Variants in RASA1 observed in about 807,000 individuals in gnomAD.
The protein encoded by RASA1 is RAS p21 protein activator 1, also known as ras GTPase-activating protein 1.
Under a neutral mutation model 132.2 loss-of-function variants are expected in RASA1, and 25 were observed. The observed-to-expected ratio is 0.19, with a 90% CI of 0.14 to 0.26. The LOEUF (loss-of-function observed/expected upper bound fraction) is 0.26, where lower values mean the gene tolerates loss of function less well. Ranked by LOEUF, RASA1 falls within the 10% of genes least tolerant of loss-of-function variation. The probability of loss-of-function intolerance (pLI) is 1.00; values close to 1 mark genes in which losing one functional copy is unlikely to be tolerated. For synonymous variants in RASA1, 477 were observed against 449.9 expected (o/e 1.06, Z -0.76); for missense variants, 964 against 1,299.2 (o/e 0.74, Z 3.97).
Position 87,270,646 on chromosome 5 carries a change from CTTTTTTTTTT to C in RASA1, c.539+1684_539+1693del, listed in dbSNP as rs70996415. Among the ~76,000 whole-genome samples, 22 of 71,774 alleles carry C rather than the reference CTTTTTTTTTT, an allele frequency of 3.1e-4. No homozygotes were observed. In the East Asian group the frequency reaches 3.1e-3, roughly 10 times the overall value. The allele number at this position is 71,774 out of a possible 152,430, so 47.1% of individuals were successfully genotyped here. A position where few individuals can be genotyped will look rare whatever the true frequency, so the allele number is the denominator to read the frequency against. On this transcript the variant is annotated intron_variant, in intron 1 of 24. Transcript: ENST00000274376. Reference sequence around the variant, plus strand: ...ACAGCCGTAAGCCACGGTGCCCGGCCTTTTTTTTTTTTTTTTTTTTTTTTTTTTTTTTTTT... The same window carrying C: ...ACAGCCGTAAGCCACGGTGCCCGGCCTTTTTTTTTTTTTTTTTTTTTTTTT...
chr5:87,351,140 CTGT>C (rs1410893500), intron 8 of RASA1, among the ~76,000 whole-genome samples: 4 of 151,024 alleles, frequency 2.6e-5, no homozygotes, highest in Non-Finnish European at 5.9e-5. Flanking sequence ...CATTTAGAAA[CTGT>C]TAAGACATAA....
intron 6 of RASA1, among the ~76,000 whole-genome samples, chr5:87,342,162 C>A (rs796960227): frequency 5.7e-5 from 8 of 139,788 alleles, no homozygotes; most frequent in East Asian, 2.0e-4. Flanking sequence ...GTTATTTTTT[C>A]TTTTTTTTTT....
chr5:87,288,096 A>G (rs968547359), intron 1 of RASA1, among the ~76,000 whole-genome samples: 1 of 136,698 alleles, frequency 7.3e-6, no homozygotes. Context: ...CACACCATAT[A>G]TATATACCAT....
At chr5:87,369,766 G>T in intron 11 of RASA1, 47 bp from the exon 12 acceptor site, 1 of 1,297,498 alleles carries the variant, frequency 7.7e-7, no homozygotes, top group Non-Finnish European at 1.1e-6. Flanking sequence ...TAAATATTTT[G>T]CTACTTTTTA....
Position 87,349,329 on chromosome 5 carries a change from C to A in RASA1, c.1218C>A (p.Asn406Lys), listed in dbSNP as rs1759092483. Residue 406 changes from asparagine (N) to lysine (K), a missense_variant, in exon 8 of 25, where the codon AAC becomes AAA. By Grantham distance (94) the Asn-to-Lys change is moderately conservative. Around this residue, in one of 6 missense-constraint regions of RASA1, gnomAD observed 154 missense variants for 286.5 expected, o/e 0.54. Coordinates refer to ENST00000274376, the MANE Select transcript of RASA1 (RefSeq NM_002890.3). ...IQRFKICPTP[N>K]NQFMMGGRYY... ...GATTTAAAATATGTCCAACGCCAAACAATCAGTTTATGATGGGAGGCCGGT... is the reference window on the plus strand; with the variant it reads ...GATTTAAAATATGTCCAACGCCAAAAAATCAGTTTATGATGGGAGGCCGGT... 1 of 1,611,920 alleles carries A rather than the reference C, an allele frequency of 6.2e-7. No individual in the cohort carries two copies. The highest frequency in any genetic ancestry group is 1.7e-4 in the Middle Eastern group (1 of 6,044).
At chr5:87,281,304 G>A (rs1225002464) in intron 1 of RASA1, among the ~76,000 whole-genome samples, 4 of 150,072 alleles carry the variant, frequency 2.7e-5, no homozygotes, top group Non-Finnish European at 5.9e-5. Flanking sequence ...GTGCAATGGC[G>A]TGATCTCGTC....
rs1762478441 is a variant in RASA1, at chr5:87,391,065, G to GCTAT, written c.*185_*188dup. 1 of 687,468 alleles carries GCTAT rather than the reference G, an allele frequency of 1.5e-6. No individual in the cohort carries two copies. The highest frequency in any genetic ancestry group is 2.6e-6 in the Non-Finnish European group (1 of 381,322). The allele number at this position is 687,468 out of a possible 1,614,324, so 42.6% of individuals were successfully genotyped here. A position where few individuals can be genotyped will look rare whatever the true frequency, so the allele number is the denominator to read the frequency against. ...AATAACTATGCCAGCAACCTTGTAA[G>GCTAT]CTATCTGTGCAGGATATTTGCACTA... On this transcript the variant is annotated 3_prime_UTR_variant, in exon 25 of 25. Coordinates refer to ENST00000274376, the MANE Select transcript of RASA1 (RefSeq NM_002890.3).
At chr5:87,335,606 A>T (rs1418775600) in intron 4 of RASA1, among the ~76,000 whole-genome samples, 1 of 151,520 alleles carries the variant, frequency 6.6e-6, no homozygotes, top group Non-Finnish European at 1.5e-5. Context: ...TGATATTTTT[A>T]GTAGAGATGG....
In RASA1 at chr5:87,391,909, A is replaced by C. The variant is rs1369127251; in HGVS notation, c.*1026A>C. 8.8e-6 allele frequency: 2 copies of C among 226,930 alleles called. No individual in the cohort carries two copies. The highest frequency in any genetic ancestry group is 1.8e-5 in the Non-Finnish European group (2 of 114,068). The allele number at this position is 226,930 out of a possible 1,614,324, so 14.1% of individuals were successfully genotyped here. A position where few individuals can be genotyped will look rare whatever the true frequency, so the allele number is the denominator to read the frequency against. ...TTAAGTTAAAATAAAACCAAGGGAT[A>C]TCTTGCATAATTGATTACTTCTGTC... On this transcript the variant is annotated 3_prime_UTR_variant, in exon 25 of 25. Coordinates refer to ENST00000274376, the MANE Select transcript of RASA1 (RefSeq NM_002890.3).
intron 6 of RASA1, among the ~76,000 whole-genome samples, chr5:87,342,942 C>T (rs1403904672): frequency 6.6e-6 from 1 of 152,026 alleles, no homozygotes; most frequent in Non-Finnish European, 1.5e-5. Context: ...AAATATAAAT[C>T]CCACTTTCAC....
chr5:87,349,886 G>A (rs1398579299), intron 8 of RASA1, among the ~76,000 whole-genome samples: 1 of 151,832 alleles, frequency 6.6e-6, no homozygotes, highest in Non-Finnish European at 1.5e-5. Flanking sequence ...ATAGTTACTT[G>A]ATTAGGAAAA....
intron 10 of RASA1, 27 bp from the exon 11 acceptor site, chr5:87,363,321 G>T: frequency 1.3e-6 from 2 of 1,566,028 alleles, no homozygotes; most frequent in South Asian, 2.2e-5. Context: ...GTTTGGCTAA[G>T]AGAAAACAAT....
chr5:87,380,604 C>T lies in RASA1; in HGVS notation c.2690+9C>T. 6.3e-7 allele frequency: 1 copy of T among 1,599,422 alleles called. No individual in the cohort carries two copies. Among genetic ancestry groups the T allele is most frequent in the Non-Finnish European group, 8.6e-7 (1 of 1,166,966 alleles). On this transcript the variant is annotated intron_variant, in intron 20 of 24. Coordinates refer to ENST00000274376, the MANE Select transcript of RASA1 (RefSeq NM_002890.3). Reference sequence around the variant, plus strand: ...AGAACAAGAGTTGTTAGGTAAGGCTCATCAATTGATTTGTTAAATCACATA... The same window carrying T: ...AGAACAAGAGTTGTTAGGTAAGGCTTATCAATTGATTTGTTAAATCACATA...
At chr5:87,286,129 G>A (rs1239789084) in intron 1 of RASA1, among the ~76,000 whole-genome samples, 1 of 152,050 alleles carries the variant, frequency 6.6e-6, no homozygotes, top group Admixed American at 6.6e-5. Context: ...AGCCTCCCGA[G>A]TAGCTGGGAT....
chr5:87,319,197 C>G (rs904717738), intron 1 of RASA1, among the ~76,000 whole-genome samples: 14 of 152,240 alleles, frequency 9.2e-5, no homozygotes, highest in African/African-American at 3.4e-4. Context: ...CATTGAGTGC[C>G]TGCAACTTTT....
intron 1 of RASA1, among the ~76,000 whole-genome samples, chr5:87,273,260 G>A (rs1753923670): frequency 6.6e-6 from 1 of 152,066 alleles, no homozygotes; most frequent in Non-Finnish European, 1.5e-5. Flanking sequence ...GTTGAGGCTG[G>A]AAATGTTTAT....
At chr5:87,366,214 G>A (rs1481205437) in intron 11 of RASA1, 1 of 188,092 alleles carries the variant, frequency 5.3e-6, no homozygotes, top group Admixed American at 5.2e-5. Flanking sequence ...TTGGAAAAAT[G>A]AGGTTAAAAA....
intron 8 of RASA1, among the ~76,000 whole-genome samples, chr5:87,350,591 G>A (rs1190322940): frequency 6.6e-6 from 1 of 151,432 alleles, no homozygotes; most frequent in East Asian, 1.9e-4. Flanking sequence ...CATACTGGAG[G>A]AAGTCGGTAA....
rs1758104793 is a variant in RASA1, at chr5:87,338,103, T to A, written c.1017+12T>A. On this transcript the variant is annotated intron_variant, in intron 5 of 24. Transcript: ENST00000274376. ...TAGTAGAAGAGGTGGTAAGTTTTGT[T>A]CTTTTCTTCTCAATTCTAGATTCTA... 1 of 1,611,804 alleles carries A rather than the reference T, an allele frequency of 6.2e-7. No homozygotes were observed. Among genetic ancestry groups the A allele is most frequent in the Non-Finnish European group, 8.5e-7 (1 of 1,178,790 alleles).
Sources: gnomAD v4.1 joint callset for allele counts (sites outside exome capture counted in the v4.1 genomes callset) on GRCh38, gnomAD v4.1.1 for gene constraint, gnomAD v4.1.1 regional missense constraint, MANE v1.5 for transcripts, NCBI Gene and HGNC (gene_info 2026-07-23, HGNC 2026-07-21) for gene names.